The following SLC14A2 variants were observed in gnomAD, a reference collection of about 807,000 sequenced individuals.
SLC14A2 encodes urea transporter 2.
A neutral mutation model predicts 104.6 loss-of-function variants in SLC14A2; 91 were observed. The ratio of observed to expected loss-of-function variants is 0.87; its 90% CI spans 0.73 to 1.04. The LOEUF (loss-of-function observed/expected upper bound fraction) is 1.04. SLC14A2 is among the 50% of genes least tolerant of loss of function. The pLI is 0.00. For missense variants in SLC14A2, 1,189 were observed against 1,156.0 expected, an observed-to-expected ratio of 1.03 and a Z score of -0.41; for synonymous variants, 476 against 466.4, an observed-to-expected ratio of 1.02 and a Z score of -0.27.
intron 10 of SLC14A2, among the ~76,000 whole-genome samples, chr18:45,651,490 G>T (rs756789507): frequency 5.3e-5 from 8 of 152,206 alleles, no homozygotes; most frequent in Non-Finnish European, 1.0e-4. Context: ...CACTAGGTAC[G>T]AGTGATAAGC....
chr18:45,346,302 T>C (rs555062685), intron 1 of SLC14A2, among the ~76,000 whole-genome samples: 1 of 152,130 alleles, frequency 6.6e-6, no homozygotes, highest in East Asian at 1.9e-4. Flanking sequence ...ATTACAGGCA[T>C]GCACCACCAC....
chr18:45,675,927 A>G (rs2046223622), intron 18 of SLC14A2, among the ~76,000 whole-genome samples: 1 of 151,906 alleles, frequency 6.6e-6, no homozygotes, highest in Non-Finnish European at 1.5e-5. Flanking sequence ...TGAGAGCAGG[A>G]GGGAATGATA....
Position 45,411,131 on chromosome 18 carries a change from C to T in SLC14A2, c.-124-72102C>T, listed in dbSNP as rs533334054. On this transcript the variant is annotated intron_variant, in intron 1 of 20. Coordinates refer to the SLC14A2 transcript ENST00000586448. Reference sequence around the variant, plus strand: ...CTTACGAGCAATAGTTCAGAATTCACTAATTCAGTGTTTGCAGCAACTTTA... The same window carrying T: ...CTTACGAGCAATAGTTCAGAATTCATTAATTCAGTGTTTGCAGCAACTTTA... Among the ~76,000 whole-genome samples, 4 of 152,300 alleles carry T rather than the reference C, an allele frequency of 2.6e-5. No homozygotes were observed. In the East Asian group the frequency reaches 7.7e-4, roughly 29 times the overall value.
At chr18:45,264,611 T>C (rs1171706630) in intron 1 of SLC14A2, among the ~76,000 whole-genome samples, 1 of 152,034 alleles carries the variant, frequency 6.6e-6, no homozygotes, top group Non-Finnish European at 1.5e-5. Context: ...AGGAGCAAAA[T>C]CATGTCTTTC....
chr18:45,207,905 C>T, the SLC14A2 span, among the ~76,000 whole-genome samples: 2 of 152,144 alleles, frequency 1.3e-5, no homozygotes, highest in South Asian at 2.1e-4. Context: ...AAGTTAATTC[C>T]CACAGTAACC....
chr18:45,405,307 G>A (rs1048711905), intron 1 of SLC14A2, among the ~76,000 whole-genome samples: 5 of 152,170 alleles, frequency 3.3e-5, no homozygotes, highest in African/African-American at 1.2e-4. Flanking sequence ...TAAGCCAGGA[G>A]AGGTTCAAGT....
chr18:45,212,911 G>T (rs1432195523), upstream of SLC14A2: 5 of 152,306 alleles, frequency 3.3e-5, no homozygotes, highest in African/African-American at 1.2e-4. Flanking sequence ...GATGTGTCCT[G>T]GCGCCATCTA....
intron 16 of SLC14A2, among the ~76,000 whole-genome samples, chr18:45,672,623 G>T (rs2046159967): frequency 6.6e-6 from 1 of 152,058 alleles, no homozygotes; most frequent in Admixed American, 6.5e-5. Context: ...ACCTTGAAAG[G>T]TTTTCAGTTT....
At chr18:45,269,384 G>T (rs1454514926) in intron 1 of SLC14A2, among the ~76,000 whole-genome samples, 1 of 152,084 alleles carries the variant, frequency 6.6e-6, no homozygotes, top group African/African-American at 2.4e-5. Flanking sequence ...TTTAGGGCAA[G>T]AAGTAGAGGG....
At chr18:45,524,815 C>T (rs368772263) in intron 2 of SLC14A2, among the ~76,000 whole-genome samples, 11 of 152,146 alleles carry the variant, frequency 7.2e-5, no homozygotes, top group East Asian at 3.9e-4. Context: ...GATAGAGGCA[C>T]CATGGCCCCA....
chr18:45,539,943 T>C (rs1329926525), intron 2 of SLC14A2, among the ~76,000 whole-genome samples: 3 of 151,848 alleles, frequency 2.0e-5, no homozygotes, highest in African/African-American at 4.8e-5. Context: ...ATCTCATGTG[T>C]TTAAAATACT....
intron 1 of SLC14A2, among the ~76,000 whole-genome samples, chr18:45,292,469 C>A (rs1020502509): frequency 6.6e-6 from 1 of 152,068 alleles, no homozygotes; most frequent in South Asian, 2.1e-4. Flanking sequence ...TGTAACACTC[C>A]GGGAATATTT....
At chr18:45,251,933 G>C (rs1333012993) in intron 1 of SLC14A2, among the ~76,000 whole-genome samples, 2 of 152,164 alleles carry the variant, frequency 1.3e-5, no homozygotes, top group Non-Finnish European at 2.9e-5. Flanking sequence ...GTCTCTCCTG[G>C]TGTAGAGTCT....
At chr18:45,453,425 C>A (rs1017633964) in intron 1 of SLC14A2, among the ~76,000 whole-genome samples, 3 of 152,000 alleles carry the variant, frequency 2.0e-5, no homozygotes, top group African/African-American at 2.4e-5. Flanking sequence ...TTTTTAAAAT[C>A]AAAAATTAAT....
chr18:45,470,725 C>T lies in SLC14A2; in HGVS notation c.-124-12508C>T, dbSNP rs1284516704. On this transcript the variant is annotated intron_variant, in intron 1 of 20. Coordinates refer to the SLC14A2 transcript ENST00000586448. ...GTGTATAGTTCCTCTTCTGTAGCCT[C>T]TCATTTTTCTACTCTTACCGAATTT... Among the ~76,000 whole-genome samples, 2 of 152,096 alleles carry T rather than the reference C, an allele frequency of 1.3e-5. 1 individual carries two copies. The highest frequency in any genetic ancestry group is 4.8e-5 in the African/African-American group (2 of 41,404).
chr18:45,372,686 A>T (rs2085735846), intron 1 of SLC14A2, among the ~76,000 whole-genome samples: 1 of 152,192 alleles, frequency 6.6e-6, no homozygotes, highest in African/African-American at 2.4e-5. Flanking sequence ...CTCCCAGGGG[A>T]TACTTGTGCC....
At chr18:45,457,405 A>G (rs183336510) in intron 1 of SLC14A2, among the ~76,000 whole-genome samples, 1 of 152,290 alleles carries the variant, frequency 6.6e-6, no homozygotes, top group African/African-American at 2.4e-5. Flanking sequence ...TCAACTGCAT[A>G]TATGTGCAGA....
intron 1 of SLC14A2, among the ~76,000 whole-genome samples, chr18:45,300,983 T>C (rs572192730): frequency 3.9e-5 from 6 of 152,212 alleles, no homozygotes; most frequent in South Asian, 2.1e-4. Context: ...GAAGGGGAGA[T>C]TGTGACTTTG....
chr18:45,577,816 C>A (rs1054592512), intron 2 of SLC14A2, among the ~76,000 whole-genome samples: 1 of 152,186 alleles, frequency 6.6e-6, no homozygotes, highest in African/African-American at 2.4e-5. Flanking sequence ...AAGGAGAAAA[C>A]TAGCTCTGCC....
Sources: allele counts gnomAD v4.1 joint callset (sites outside exome capture counted in the v4.1 genomes callset), GRCh38; gene constraint gnomAD v4.1.1; transcripts MANE v1.5; gene names NCBI Gene and HGNC (gene_info 2026-07-23, HGNC 2026-07-21).